The following KDM6A variants were observed in gnomAD, a reference collection of about 807,000 sequenced individuals.
The protein encoded by KDM6A is lysine-specific demethylase 6A.
In KDM6A, 11 loss-of-function variants were observed where a neutral mutation model predicts 117.6. The ratio of observed to expected loss-of-function variants is 0.09; its 90% CI spans 0.06 to 0.15. The LOEUF (loss-of-function observed/expected upper bound fraction) is 0.15, where lower values mean the gene tolerates loss of function less well. Among genes scored for constraint, KDM6A ranks in the 10% least tolerant of loss-of-function variants. The pLI is 1.00. For missense variants in KDM6A, 799 were observed against 1,077.3 expected, an observed-to-expected ratio of 0.74 and a Z score of 3.62; for synonymous variants, 384 against 396.1, an observed-to-expected ratio of 0.97 and a Z score of 0.36.
intron 2 of KDM6A, among the ~76,000 whole-genome samples, chrX:44,958,828 T>C (rs980665127): frequency 9.0e-6 from 1 of 110,751 alleles, no homozygotes; most frequent in Non-Finnish European, 1.9e-5. Flanking sequence ...ATTTTTGCTT[T>C]ATGGAAGTTT....
At chrX:45,086,103 A>C (rs1474695876) in intron 25 of KDM6A, 124 bp downstream of exon 25, 1 of 480,451 alleles carries the variant, frequency 2.1e-6, no homozygotes, top group African/African-American at 2.4e-5. Context: ...TCAGCGAAGA[A>C]TTCATTTTAA....
intron 8 of KDM6A, among the ~76,000 whole-genome samples, chrX:45,042,319 A>G (rs1424056090): frequency 1.0e-5 from 1 of 96,799 alleles, no homozygotes; most frequent in African/African-American, 4.2e-5. Flanking sequence ...GAGTCATTTG[A>G]TAAATTTTAA....
chrX:44,968,260 T>G (rs1031730376), intron 3 of KDM6A, among the ~76,000 whole-genome samples: 1 of 112,622 alleles, frequency 8.9e-6, no homozygotes, highest in Admixed American at 9.4e-5. Context: ...ACAAGTTGGC[T>G]CTCTGCAACT....
At chrX:44,928,067 A>G (rs1255142218) in intron 2 of KDM6A, among the ~76,000 whole-genome samples, 1 of 112,194 alleles carries the variant, frequency 8.9e-6, no homozygotes, top group East Asian at 2.8e-4. Flanking sequence ...AAATGACAAG[A>G]CAATACAATG....
rs748952357 is a variant in KDM6A at position 45,035,790 on chromosome X, A to G, written c.619+805A>G. On this transcript the variant is annotated intron_variant, in intron 7 of 29. Transcript: ENST00000611820. The stretch of plus-strand genomic sequence containing the variant: ...TTTTGGCTCACTGCAAGCTCCGCCT[A>G]CCGGGTTGACGCCATTCTCCTGCCT... Among the ~76,000 whole-genome samples, 6 of 108,672 alleles carry G rather than the reference A, an allele frequency of 5.5e-5. No individual in the cohort carries two copies. The South Asian group carries it at 2.0e-3, about 37-fold the overall frequency. 94.4% of individuals were successfully genotyped at this position (108,672 alleles called of 115,157 possible).
chrX:44,983,669 T>G (rs1440454881), intron 4 of KDM6A, among the ~76,000 whole-genome samples: 1 of 107,500 alleles, frequency 9.3e-6, no homozygotes, highest in East Asian at 3.0e-4. Flanking sequence ...TGGTGTTTGG[T>G]TTTTTGTCCT....
At chrX:45,062,181 C>CAAT (rs1164006394) in intron 15 of KDM6A, among the ~76,000 whole-genome samples, 1 of 111,369 alleles carries the variant, frequency 9.0e-6, no homozygotes, top group African/African-American at 3.3e-5. Flanking sequence ...TTCTGCATGT[C>CAAT]AATATGTGAA....
At chrX:44,928,577 A>C (rs2036437044) in intron 2 of KDM6A, among the ~76,000 whole-genome samples, 1 of 112,342 alleles carries the variant, frequency 8.9e-6, no homozygotes, top group Non-Finnish European at 1.9e-5. Flanking sequence ...AACATTGTTT[A>C]CATTTTGTAA....
At chrX:45,037,441 GA>G (rs1411842681) in intron 7 of KDM6A, among the ~76,000 whole-genome samples, 1 of 112,123 alleles carries the variant, frequency 8.9e-6, no homozygotes, top group African/African-American at 3.2e-5. Context: ...GACCAACAAT[GA>G]ATACATGTGG....
At chrX:45,040,778 C>G (rs1438817770) in intron 8 of KDM6A, among the ~76,000 whole-genome samples, 1 of 72,942 alleles carries the variant, frequency 1.4e-5, no homozygotes, top group African/African-American at 5.6e-5. Context: ...GGGGCTGACC[C>G]CCCCAACCTC....
At chrX:44,878,248 G>C (rs1368234478) in intron 2 of KDM6A, among the ~76,000 whole-genome samples, 1 of 110,943 alleles carries the variant, frequency 9.0e-6, no homozygotes, top group East Asian at 2.8e-4. Context: ...GTGTCATGTT[G>C]GTACCCAAAA....
chrX:45,043,718 C>T (rs2043395455), intron 8 of KDM6A, among the ~76,000 whole-genome samples: 1 of 110,903 alleles, frequency 9.0e-6, no homozygotes, highest in Admixed American at 9.5e-5. Context: ...GCGGAGGTTG[C>T]AGTGAGCCAA....
intron 18 of KDM6A, among the ~76,000 whole-genome samples, chrX:45,076,174 T>C (rs1359141759): frequency 9.0e-6 from 1 of 111,473 alleles, no homozygotes; most frequent in Non-Finnish European, 1.9e-5. Flanking sequence ...CATAATTTGC[T>C]GTATAGTCAA....
chrX:45,031,742 A>T (rs1352533307), intron 6 of KDM6A, among the ~76,000 whole-genome samples: 1 of 112,098 alleles, frequency 8.9e-6, no homozygotes, highest in Non-Finnish European at 1.9e-5. Context: ...AGGTAATCAG[A>T]CTATATACAG....
At chrX:45,055,489 A>G (rs1002309893) in intron 10 of KDM6A, among the ~76,000 whole-genome samples, 9 of 111,658 alleles carry the variant, frequency 8.1e-5, no homozygotes, top group Non-Finnish European at 1.7e-4. Context: ...AGGCTTATAA[A>G]AGAGCCTAAT....
chrX:44,928,998 T>A (rs1336338105), intron 2 of KDM6A, among the ~76,000 whole-genome samples: 2 of 111,200 alleles, frequency 1.8e-5, no homozygotes, highest in Non-Finnish European at 3.8e-5. Flanking sequence ...TGGCGCGAAC[T>A]TGGCTCACTA....
intron 8 of KDM6A, among the ~76,000 whole-genome samples, chrX:45,041,471 C>T (rs1208982359): frequency 9.4e-6 from 1 of 106,752 alleles, no homozygotes; most frequent in African/African-American, 3.5e-5. Context: ...GGCTGCCGGG[C>T]GGAGACGCTC....
chrX:45,026,262 C>T (rs1180406320), intron 6 of KDM6A, among the ~76,000 whole-genome samples: 1 of 111,945 alleles, frequency 8.9e-6, no homozygotes, highest in African/African-American at 3.2e-5. Context: ...CATGAAACTT[C>T]TGAGTGAAGT....
Position 44,957,811 on chromosome X carries a change from A to C in KDM6A, c.226-3473A>C, listed in dbSNP as rs140954054. ...AGGCTTTTCATTTATAAACATAAGA[A>C]ATTTTGCTTTCCTAATATTTAGTAT... On this transcript the variant is annotated intron_variant, in intron 2 of 29. Transcript: ENST00000611820. Among the ~76,000 whole-genome samples, 971 of 111,952 alleles carry C rather than the reference A, an allele frequency of 8.7e-3. 47 individuals are homozygous for C. In the East Asian group the frequency reaches 0.17, roughly 20 times the overall value.
Sources: gnomAD v4.1 joint callset for allele counts (sites outside exome capture counted in the v4.1 genomes callset) on GRCh38, gnomAD v4.1.1 for gene constraint, MANE v1.5 for transcripts, NCBI Gene and HGNC (gene_info 2026-07-23, HGNC 2026-07-21) for gene names.